Variants in PVALEF observed in about 807,000 individuals in gnomAD.
PVALEF encodes parvalbumin like EF-hand containing.
In PVALEF, 2 loss-of-function variants were observed where a neutral mutation model predicts 1.2. The observed-to-expected ratio is 1.68, with a 90% CI of 0.69 to 5.28. The LOEUF (loss-of-function observed/expected upper bound fraction) is 5.28, where lower values mean the gene tolerates loss of function less well. Ranked by LOEUF, PVALEF falls within the 30% of genes most tolerant of loss-of-function variation. The pLI, the probability that PVALEF is intolerant of heterozygous loss-of-function variation, is 0.06. For missense variants in PVALEF, 35 were observed against 17.7 expected (o/e 1.97, Z -1.75); for synonymous variants, 16 against 6.5 (o/e 2.47, Z -2.24).
chr17:81,166,058 C>A, intron 1 of PVALEF: 1 of 1,173,438 alleles, frequency 8.5e-7, no homozygotes, highest in South Asian at 2.9e-5. Flanking sequence ...CGGCCCCGGC[C>A]CGAGCCGCCG....
Position 81,166,811 on chromosome 17 carries a change from T to C in PVALEF, c.-373T>C, listed in dbSNP as rs1567834016. On this transcript the variant is annotated 5_prime_UTR_variant, in exon 2 of 7. Transcript: ENST00000637878. ...CTGCGACAGCCATGAAGGAAGAACC[T>C]GGCTGAGTCTCCACCTGCCGTGGAC... is the stretch of plus-strand genomic sequence containing the variant. 2 of 454,652 alleles carry C rather than the reference T, an allele frequency of 4.4e-6. No homozygotes were observed. Among genetic ancestry groups the C allele is most frequent in the Non-Finnish European group, 8.9e-6 (2 of 225,470 alleles). The allele number at this position is 454,652 out of a possible 1,614,324, so 28.2% of individuals were successfully genotyped here. A position where few individuals can be genotyped will look rare whatever the true frequency, so the allele number is the denominator to read the frequency against.
intron 1 of PVALEF, among the ~76,000 whole-genome samples, 173 bp from the exon 2 acceptor site, chr17:81,166,503 CG>C (rs1352693269): frequency 0.061 from 814 of 13,246 alleles, 47 homozygotes; most frequent in African/African-American, 0.14. Flanking sequence ...CGGAGGCTGG[CG>C]GGGGGGGGGG....
At chr17:81,171,573 G>C (rs898760877) in intron 2 of PVALEF, among the ~76,000 whole-genome samples, 6 of 152,094 alleles carry the variant, frequency 3.9e-5, no homozygotes, top group Non-Finnish European at 7.4e-5. Flanking sequence ...CTCACTGCAA[G>C]CTCCGCCTCC....
chr17:81,183,014 C>A lies in PVALEF; in HGVS notation c.*3C>A. On this transcript the variant is annotated 3_prime_UTR_variant, in exon 7 of 7. Coordinates refer to ENST00000637878, the MANE Select transcript of PVALEF (RefSeq NM_001354639.2). ...AGAAAATTCCAAAGAAGAAGTAGCA[C>A]CATGACTAGCCCTGGCCAGCCAAGG... is the stretch of plus-strand genomic sequence containing the variant. 1 of 398,698 alleles carries A rather than the reference C, an allele frequency of 2.5e-6. No homozygotes were observed. Among genetic ancestry groups the A allele is most frequent in the African/African-American group, 2.1e-5 (1 of 48,774 alleles). 24.7% of individuals were successfully genotyped at this position (398,698 alleles called of 1,614,324 possible). A position where few individuals can be genotyped will look rare whatever the true frequency, so the allele number is the denominator to read the frequency against.
At chr17:81,172,795 G>A (rs2061525046) in intron 2 of PVALEF, among the ~76,000 whole-genome samples, 1 of 151,968 alleles carries the variant, frequency 6.6e-6, no homozygotes, top group Admixed American at 6.6e-5. Context: ...AAAAGTTGCT[G>A]GACCGTCCTC....
chr17:81,180,663 G>A (rs2146450982), intron 3 of PVALEF, among the ~76,000 whole-genome samples: 1 of 152,284 alleles, frequency 6.6e-6, no homozygotes, highest in African/African-American at 2.4e-5. Flanking sequence ...CTGGTCCAGG[G>A]GCTGCAACTG....
chr17:81,180,976 C>A, intron 3 of PVALEF, 147 bp from the exon 4 acceptor site: 1 of 449,342 alleles, frequency 2.2e-6, no homozygotes, highest in Non-Finnish European at 4.0e-6. Context: ...AAGGCGCTGC[C>A]GTGAGGCGCA....
intron 3 of PVALEF, among the ~76,000 whole-genome samples, chr17:81,179,833 G>A (rs139666186): frequency 6.6e-6 from 1 of 152,192 alleles, no homozygotes; most frequent in Non-Finnish European, 1.5e-5. Flanking sequence ...TGGTCTGAGG[G>A]GTCTTAGCCC....
intron 2 of PVALEF, among the ~76,000 whole-genome samples, chr17:81,178,686 G>A (rs933675819): frequency 6.6e-6 from 1 of 151,914 alleles, no homozygotes; most frequent in African/African-American, 2.4e-5. Flanking sequence ...AGCTGGGGGG[G>A]GCAGGGTCCC....
At chr17:81,170,096 TG>T (rs2061514733) in intron 2 of PVALEF, among the ~76,000 whole-genome samples, 1 of 142,308 alleles carries the variant, frequency 7.0e-6, no homozygotes, top group African/African-American at 2.7e-5. Flanking sequence ...AGGTGTGTGT[TG>T]GTTTGTGTGT....
chr17:81,173,608 T>C (rs1430242345), intron 2 of PVALEF, among the ~76,000 whole-genome samples: 1 of 152,060 alleles, frequency 6.6e-6, no homozygotes, highest in East Asian at 1.9e-4. Flanking sequence ...CAAGACTAAG[T>C]CCCAAAGAAA....
At chr17:81,180,489 C>T (rs1257288670) in intron 3 of PVALEF, among the ~76,000 whole-genome samples, 1 of 152,176 alleles carries the variant, frequency 6.6e-6, no homozygotes, top group Non-Finnish European at 1.5e-5. Flanking sequence ...GGGGAATCAG[C>T]CACTGCAGGG....
At chr17:81,167,895 T>C (rs368388646) in intron 2 of PVALEF, among the ~76,000 whole-genome samples, 11 of 152,318 alleles carry the variant, frequency 7.2e-5, no homozygotes, top group African/African-American at 2.6e-4. Context: ...CCTCGTTCAG[T>C]CTGTGTCTTC....
intron 2 of PVALEF, among the ~76,000 whole-genome samples, chr17:81,169,367 A>AGG (rs552009622): frequency 7.8e-4 from 118 of 152,034 alleles, no homozygotes; most frequent in South Asian, 1.7e-3. Flanking sequence ...TGGGAGGCCA[A>AGG]GGGGGGCGGA....
At chr17:81,170,025 T>C (rs1216221677) in intron 2 of PVALEF, among the ~76,000 whole-genome samples, 2 of 151,388 alleles carry the variant, frequency 1.3e-5, no homozygotes, top group Non-Finnish European at 3.0e-5. Context: ...TATGTGCATA[T>C]GTGTAGGTGT....
Position 81,181,172 on chromosome 17 carries a change from C to A in PVALEF, c.-55C>A, listed in dbSNP as rs1172473392. The stretch of plus-strand genomic sequence containing the variant: ...TACGTCTGCTCTGGCCCAAGCAGCA[C>A]CCCCAATCCGTGCGTGCACCCCACG... On this transcript the variant is annotated 5_prime_UTR_variant, in exon 4 of 7. Coordinates refer to ENST00000637878, the MANE Select transcript of PVALEF (RefSeq NM_001354639.2). 1 of 700,068 alleles carries A rather than the reference C, an allele frequency of 1.4e-6. No individual in the cohort carries two copies. The highest frequency in any genetic ancestry group is 2.6e-6 in the Non-Finnish European group (1 of 383,362). The allele number at this position is 700,068 out of a possible 1,614,324, so 43.4% of individuals were successfully genotyped here. A position where few individuals can be genotyped will look rare whatever the true frequency, so the allele number is the denominator to read the frequency against.
rs2146434664 is a variant in PVALEF at position 81,165,567 on chromosome 17, A to G, written c.-688A>G. The G allele has an allele frequency of 8.4e-7, 1 of 1,185,836 alleles. No homozygotes were observed. The highest frequency in any genetic ancestry group is 1.3e-5 in the South Asian group (1 of 77,768). 73.5% of individuals were successfully genotyped at this position (1,185,836 alleles called of 1,614,324 possible). On this transcript the variant is annotated 5_prime_UTR_variant, in exon 1 of 7. An upstream start codon of the reference 5' UTR is lost. Transcript: ENST00000637878. ...CAGGGCCCCGGACCCAGGAGAGGCC[A>G]TGGAAAGCCTGAACCCCAGCTGGCT... is the stretch of plus-strand genomic sequence containing the variant.
chr17:81,171,130 T>C (rs1231563618), intron 2 of PVALEF, among the ~76,000 whole-genome samples: 1 of 152,172 alleles, frequency 6.6e-6, no homozygotes, highest in Non-Finnish European at 1.5e-5. Flanking sequence ...AATACTGTCA[T>C]CCAGAGCTAT....
In PVALEF at chr17:81,166,701, C is replaced by T; in HGVS notation, c.-483C>T. On this transcript the variant is annotated 5_prime_UTR_variant, in exon 2 of 7. Coordinates refer to ENST00000637878, the MANE Select transcript of PVALEF (RefSeq NM_001354639.2). ...GGTTTCGAGGCGGCTGGCAGCCGCCCCCCCACCCCATGCCCTTTGGGTGGC... is the reference window on the plus strand; with the variant it reads ...GGTTTCGAGGCGGCTGGCAGCCGCCTCCCCACCCCATGCCCTTTGGGTGGC... 2.2e-6 allele frequency: 1 copy of T among 454,712 alleles called. No homozygotes were observed. The highest frequency in any genetic ancestry group is 4.4e-6 in the Non-Finnish European group (1 of 226,710). 28.2% of individuals were successfully genotyped at this position (454,712 alleles called of 1,614,324 possible).
Sources: gnomAD v4.1 joint callset for allele counts (sites outside exome capture counted in the v4.1 genomes callset) on GRCh38, gnomAD v4.1.1 for gene constraint, MANE v1.5 for transcripts, NCBI Gene and HGNC (gene_info 2026-07-23, HGNC 2026-07-21) for gene names.